MROH2B: variants seen among roughly 807,000 people sequenced by gnomAD.
MROH2B encodes the protein maestro heat like repeat family member 2B, also known as maestro heat-like repeat-containing protein family member 2B.
Under a neutral mutation model 208.6 loss-of-function variants are expected in MROH2B, and 177 were observed. The observed-to-expected ratio is 0.85, with a 90% CI of 0.75 to 0.96. The LOEUF is 0.96. MROH2B is among the 40% of genes least tolerant of loss of function. The probability of loss-of-function intolerance (pLI) is 0.00; values close to 1 mark genes in which losing one functional copy is unlikely to be tolerated. For missense variants in MROH2B, 2,002 were observed against 1,878.7 expected (o/e 1.07, Z -1.21); for synonymous variants, 728 against 659.0 (o/e 1.10, Z -1.60).
chr5:41,036,129 TAC>T (rs35715531), intron 21 of MROH2B, among the ~76,000 whole-genome samples: 66,839 of 149,102 alleles, frequency 0.45, 14,991 homozygotes, highest in Middle Eastern at 0.56. Context: ...ATATTATATA[TAC>T]ACACACACAC....
chr5:41,007,200 A>C, intron 34 of MROH2B, 114 bp downstream of exon 34: 2 of 1,022,648 alleles, frequency 2.0e-6, no homozygotes, highest in Non-Finnish European at 2.6e-6. Context: ...TCCTTCGACT[A>C]TTAGTCCTAA....
At chr5:41,002,942 A>G (rs948912313) in intron 37 of MROH2B, among the ~76,000 whole-genome samples, 2 of 150,992 alleles carry the variant, frequency 1.3e-5, no homozygotes, top group African/African-American at 4.9e-5. Context: ...ATTTTTGAGG[A>G]CAAGATAATT....
At chr5:41,041,480 C>T (rs1241994243) in intron 19 of MROH2B, among the ~76,000 whole-genome samples, 4 of 151,996 alleles carry the variant, frequency 2.6e-5, no homozygotes, top group Non-Finnish European at 4.4e-5. Flanking sequence ...TAAAATTAGC[C>T]GGGCATGGTA....
At chr5:40,998,503 G>T in intron 41 of MROH2B, 109 bp downstream of exon 41, 1 of 847,202 alleles carries the variant, frequency 1.2e-6, no homozygotes, top group Non-Finnish European at 1.9e-6. Flanking sequence ...GACAATAATT[G>T]GTACTAAGAT....
chr5:41,028,853 T>A, intron 24 of MROH2B, among the ~76,000 whole-genome samples: 1 of 152,156 alleles, frequency 6.6e-6, no homozygotes, highest in Admixed American at 6.6e-5. Context: ...ATGAGCTGTA[T>A]AGTAGTGAAG....
At chr5:41,019,116 A>G in intron 24 of MROH2B, 98 bp from the exon 25 acceptor site, 1 of 1,466,820 alleles carries the variant, frequency 6.8e-7, no homozygotes, top group Middle Eastern at 1.9e-4. Flanking sequence ...TGACCAGGCA[A>G]CTAACGTGTC....
intron 18 of MROH2B, among the ~76,000 whole-genome samples, chr5:41,045,034 C>T (rs572551583): frequency 6.6e-6 from 1 of 152,108 alleles, no homozygotes; most frequent in Non-Finnish European, 1.5e-5. Flanking sequence ...TACCTGAGGC[C>T]CCACTAGTAG....
Position 41,007,411 on chromosome 5 carries a change from T to A in MROH2B, c.3652A>T (p.Arg1218Ter), listed in dbSNP as rs761905892. The stretch of plus-strand genomic sequence containing the variant: ...TCAGATTCCTTTGCAAGGCCTTCTC[T>A]CATGGCTTGGGCTTGCAAACATTTT... ...TLKCLQAQAM[R>*]EGLAKESDEG... The change falls in exon 34 of 42, where the codon AGA becomes TGA. Residue 1218 changes from arginine (R) to a stop codon, truncating the protein, a stop_gained. Coordinates refer to ENST00000399564, the MANE Select transcript of MROH2B (RefSeq NM_173489.5). LOFTEE classifies it high-confidence loss of function. 6.4e-7 allele frequency: 1 copy of A among 1,574,790 alleles called. No homozygotes were observed. The highest frequency in any genetic ancestry group is 8.6e-7 in the Non-Finnish European group (1 of 1,159,418).
In MROH2B at chr5:41,033,794, T is replaced by C. The variant is rs1326002752; in HGVS notation, c.2241+44A>G. On this transcript the variant is annotated intron_variant, in intron 22 of 41. Coordinates refer to ENST00000399564, the MANE Select transcript of MROH2B (RefSeq NM_173489.5). ...TTCAGGGGGGCATTATCTATCTATC[T>C]ATCTATCTATCTATCTATCTATCTA... 6.3e-6 allele frequency: 7 copies of C among 1,104,956 alleles called. No homozygotes were observed. The East Asian group carries it at 1.6e-4, about 25-fold the overall frequency. The allele number at this position is 1,104,956 out of a possible 1,614,324, so 68.4% of individuals were successfully genotyped here.
Position 41,025,564 on chromosome 5 carries a change from G to C in MROH2B, c.2442-6546C>G, listed in dbSNP as rs188694055. Among the ~76,000 whole-genome samples the C allele has an allele frequency of 9.9e-3, 1,499 of 152,138 alleles. 28 individuals are homozygous for C. Among genetic ancestry groups the C allele is most frequent in the African/African-American group, 0.034 (1,428 of 41,494 alleles). ...ATTAATAGCTTACCAACCAAAAAAA[G>C]TCCAGGACCAGATGGATTCACAGCC... On this transcript the variant is annotated intron_variant, in intron 24 of 41. Transcript: ENST00000399564.
intron 7 of MROH2B, among the ~76,000 whole-genome samples, chr5:41,057,739 T>A (rs1359879438): frequency 6.6e-6 from 1 of 151,508 alleles, no homozygotes; most frequent in African/African-American, 2.4e-5. Context: ...GCATTTTTAG[T>A]AGAGACGGGG....
At chr5:41,054,904 G>A in intron 10 of MROH2B, 64 bp from the exon 11 acceptor site, 1 of 1,164,790 alleles carries the variant, frequency 8.6e-7, no homozygotes, top group Middle Eastern at 2.0e-4. Flanking sequence ...TTCTAGGATT[G>A]ATGAAAAGCT....
At chr5:41,053,228 C>A (rs1743340430) in intron 11 of MROH2B, among the ~76,000 whole-genome samples, 1 of 152,136 alleles carries the variant, frequency 6.6e-6, no homozygotes, top group Non-Finnish European at 1.5e-5. Context: ...AAATTTAGTG[C>A]CAACTCATTT....
chr5:41,049,202 A>T, intron 14 of MROH2B, 61 bp from the exon 15 acceptor site: 1 of 1,607,452 alleles, frequency 6.2e-7, no homozygotes, highest in Non-Finnish European at 8.5e-7. Flanking sequence ...GTTGGGTTTA[A>T]GGTCAAAGCA....
chr5:41,069,829 A>G (rs1317184006), intron 1 of MROH2B, 77 bp from the exon 2 acceptor site: 1 of 1,100,314 alleles, frequency 9.1e-7, no homozygotes, highest in African/African-American at 1.6e-5. Flanking sequence ...ATCAACACAG[A>G]AAGTTCATTC....
chr5:41,005,545 C>T lies in MROH2B; in HGVS notation c.3850G>A (p.Ala1284Thr). ...TTCTCCCTTGCCTCAGAGAAGAAAGCTGCGCCGGTTATCCGGTAGTTCTCC... is the reference window on the plus strand; with the variant it reads ...TTCTCCCTTGCCTCAGAGAAGAAAGTTGCGCCGGTTATCCGGTAGTTCTCC... ...SSENYRITGA[A>T]FFSELMKEPI... The change falls in exon 35 of 42, where the codon GCT becomes ACT. Residue 1284 changes from alanine (A) to threonine (T), a missense_variant. Coordinates refer to ENST00000399564, the MANE Select transcript of MROH2B (RefSeq NM_173489.5). 1.9e-6 allele frequency: 3 copies of T among 1,601,872 alleles called. No homozygotes were observed. Among genetic ancestry groups the T allele is most frequent in the South Asian group, 2.3e-5 (2 of 88,540 alleles).
At chr5:41,057,681 C>A (rs1453106608) in intron 7 of MROH2B, among the ~76,000 whole-genome samples, 1 of 150,578 alleles carries the variant, frequency 6.6e-6, no homozygotes. Context: ...CTCAGCCTCC[C>A]GAGTAGCTGG....
chr5:41,029,028 T>G (rs1742476217), intron 24 of MROH2B, among the ~76,000 whole-genome samples: 1 of 152,164 alleles, frequency 6.6e-6, no homozygotes, highest in Non-Finnish European at 1.5e-5. Context: ...ATTCTATTTT[T>G]AATTTCTTTT....
chr5:41,012,691 T>C lies in MROH2B; in HGVS notation c.3027A>G (p.Leu1009=), dbSNP rs373005474. The C allele has an allele frequency of 1.9e-4, 300 of 1,613,898 alleles. 5 individuals are homozygous for C. The South Asian group carries it at 3.2e-3, about 17-fold the overall frequency. Residue 1009 remains leucine (L), a synonymous_variant, in exon 30 of 42, where the codon CTA becomes CTG. Transcript: ENST00000399564. ...FIPNEEILMF[L]EEMLDGLESL... ...TCTCCAGACCGTCCAGCATTTCCTC[T>C]AGGAACATCAGAATTTCTTCATTTG... is the stretch of plus-strand genomic sequence containing the variant.
Sources: gnomAD v4.1 joint callset for allele counts (sites outside exome capture counted in the v4.1 genomes callset) on GRCh38, gnomAD v4.1.1 for gene constraint, MANE v1.5 for transcripts, NCBI Gene and HGNC (gene_info 2026-07-23, HGNC 2026-07-21) for gene names.